Variants in CNOT10 observed in about 807,000 individuals in gnomAD.
CNOT10 encodes the protein CCR4-NOT transcription complex subunit 10, also known as CCR4-NOT transcription complex, subunit 10.
A neutral mutation model predicts 94.6 loss-of-function variants in CNOT10; 30 were observed. That is an observed-to-expected ratio of 0.32 (90% CI 0.24 to 0.43). CNOT10 has a LOEUF of 0.43. CNOT10 is among the 20% of genes least tolerant of loss of function. The probability of loss-of-function intolerance (pLI) is 1.00; values close to 1 mark genes in which losing one functional copy is unlikely to be tolerated. For synonymous variants in CNOT10, 289 were observed against 301.6 expected, an observed-to-expected ratio of 0.96 and a Z score of 0.43; for missense variants, 759 against 877.2, an observed-to-expected ratio of 0.87 and a Z score of 1.70.
chr3:32,725,180 A>T (rs1384247584), intron 8 of CNOT10, among the ~76,000 whole-genome samples: 2 of 152,170 alleles, frequency 1.3e-5, no homozygotes, highest in Admixed American at 1.3e-4. Flanking sequence ...AAATTGTTTT[A>T]AAAAAGGAAA....
At chr3:32,761,757 G>T in intron 14 of CNOT10, among the ~76,000 whole-genome samples, 1 of 148,804 alleles carries the variant, frequency 6.7e-6, no homozygotes, top group African/African-American at 2.5e-5. Context: ...TTTTGAAACG[G>T]AGTTTCACAG....
At chr3:32,720,822 GCCCTCCCT>G (rs199639916) in intron 8 of CNOT10, among the ~76,000 whole-genome samples, 2 of 136,434 alleles carry the variant, frequency 1.5e-5, no homozygotes, top group African/African-American at 2.9e-5. Context: ...TGACTTGCCT[GCCCTCCCT>G]CCCTCCCTTC....
chr3:32,731,369 G>T (rs1244659540), intron 10 of CNOT10, among the ~76,000 whole-genome samples: 1 of 152,178 alleles, frequency 6.6e-6, no homozygotes, highest in South Asian at 2.1e-4. Context: ...GATTAGTTTT[G>T]CAAATTCATA....
intron 4 of CNOT10, among the ~76,000 whole-genome samples, chr3:32,709,254 T>C (rs1409984731): frequency 2.0e-5 from 3 of 152,160 alleles, no homozygotes; most frequent in African/African-American, 7.2e-5. Flanking sequence ...AGTTTTTTGC[T>C]ATCTTAATTA....
intron 17 of CNOT10, among the ~76,000 whole-genome samples, chr3:32,767,833 A>G (rs1700717261): frequency 6.6e-6 from 1 of 152,136 alleles, no homozygotes; most frequent in African/African-American, 2.4e-5. Context: ...GTGCCCCCAG[A>G]CCTCAGTCAC....
intron 3 of CNOT10, among the ~76,000 whole-genome samples, chr3:32,707,023 C>G (rs1697654152): frequency 6.6e-6 from 1 of 152,178 alleles, no homozygotes; most frequent in Non-Finnish European, 1.5e-5. Context: ...TTAGTCAAAC[C>G]AAGGCTGTTA....
At chr3:32,732,160 G>A (rs1698987719) in intron 10 of CNOT10, among the ~76,000 whole-genome samples, 1 of 152,066 alleles carries the variant, frequency 6.6e-6, no homozygotes, top group African/African-American at 2.4e-5. Flanking sequence ...GGAGGCCGAG[G>A]CGGGCGGATC....
intron 8 of CNOT10, among the ~76,000 whole-genome samples, chr3:32,724,486 T>C (rs1193323383): frequency 3.5e-5 from 5 of 141,110 alleles, no homozygotes; most frequent in Admixed American, 7.0e-5. Context: ...GATCTCGGCT[T>C]ACTGCAAGCT....
chr3:32,769,574 C>G (rs1427562421), intron 17 of CNOT10: 3 of 258,456 alleles, frequency 1.2e-5, no homozygotes, highest in African/African-American at 2.1e-5. Context: ...AACAAATGGG[C>G]ATGCAGATTT....
intron 4 of CNOT10, among the ~76,000 whole-genome samples, chr3:32,709,159 G>T (rs781244954): frequency 1.3e-5 from 2 of 152,164 alleles, no homozygotes; most frequent in African/African-American, 2.4e-5. Context: ...GGAATGTTAG[G>T]GGACAGTGAG....
In CNOT10 at chr3:32,734,988, C is replaced by T. The variant is rs756445862; in HGVS notation, c.1514+12C>T. ...AGTGAAACTTGCAGGTATTCTAATC[C>T]TTGTGACCTCCTTTGGCAAAATCCT... On this transcript the variant is annotated intron_variant, in intron 12 of 18. Transcript: ENST00000328834. The T allele has an allele frequency of 1.3e-6, 2 of 1,597,436 alleles. No individual in the cohort carries two copies. Among genetic ancestry groups the T allele is most frequent in the South Asian group, 1.1e-5 (1 of 89,072 alleles).
rs138098951 is a variant in CNOT10, at chr3:32,736,676, G to A, written c.1515-734G>A. 5.1e-3 allele frequency among the ~76,000 whole-genome samples: 783 copies of A among 152,202 alleles called. 5 individuals are homozygous for A. The highest frequency in any genetic ancestry group is 0.018 in the African/African-American group (731 of 41,522). On this transcript the variant is annotated intron_variant, in intron 12 of 18. Coordinates refer to ENST00000328834, the MANE Select transcript of CNOT10 (RefSeq NM_015442.3). ...ATTAGTACCAGCTACTTGGGAGGCTGGTGTAGGAGGATCGCCTGAGCCCAG... is the reference window on the plus strand; with the variant it reads ...ATTAGTACCAGCTACTTGGGAGGCTAGTGTAGGAGGATCGCCTGAGCCCAG...
chr3:32,722,462 G>C (rs932239756), intron 8 of CNOT10, among the ~76,000 whole-genome samples: 3 of 152,188 alleles, frequency 2.0e-5, no homozygotes, highest in African/African-American at 7.2e-5. Context: ...AATATACTTT[G>C]AGAAAATTTT....
At chr3:32,715,823 A>C (rs1698093090) in intron 5 of CNOT10, among the ~76,000 whole-genome samples, 1 of 152,066 alleles carries the variant, frequency 6.6e-6, no homozygotes, top group African/African-American at 2.4e-5. Flanking sequence ...TTTTTTAAAG[A>C]CAGGGTCTTG....
chr3:32,709,657 G>C (rs1281598994), intron 4 of CNOT10, among the ~76,000 whole-genome samples: 1 of 152,090 alleles, frequency 6.6e-6, no homozygotes, highest in Non-Finnish European at 1.5e-5. Context: ...CCTCAATCCT[G>C]AGAGCTTGGT....
Position 32,708,652 on chromosome 3 carries a change from C to G in CNOT10, c.280-18C>G, listed in dbSNP as rs761767811. ...TTTCCTTAATGTTAAAATATAACCT[C>G]TGTTGATTGCTTTATAGGTCCACTC... On this transcript the variant is annotated intron_variant, in intron 3 of 18. Coordinates refer to ENST00000328834, the MANE Select transcript of CNOT10 (RefSeq NM_015442.3). The G allele has an allele frequency of 1.9e-6, 3 of 1,593,746 alleles. No individual in the cohort carries two copies. Among genetic ancestry groups the G allele is most frequent in the Admixed American group, 3.7e-5 (2 of 53,732 alleles).
At chr3:32,716,161 TCA>T in intron 5 of CNOT10, 62 bp from the exon 6 acceptor site, 4 of 854,134 alleles carry the variant, frequency 4.7e-6, no homozygotes, top group East Asian at 2.8e-5. Context: ...CACTTGGAAA[TCA>T]CTGATTTAAA....
intron 10 of CNOT10, among the ~76,000 whole-genome samples, chr3:32,730,184 G>A (rs1278470303): frequency 6.6e-6 from 1 of 152,118 alleles, no homozygotes; most frequent in African/African-American, 2.4e-5. Context: ...AAACCAGGGA[G>A]TTACCTTTTT....
In CNOT10 at chr3:32,727,651, C is replaced by T; in HGVS notation, c.1013-17C>T. 1 of 1,498,194 alleles carries T rather than the reference C, an allele frequency of 6.7e-7. No individual in the cohort carries two copies. The highest frequency in any genetic ancestry group is 1.1e-5 in the South Asian group (1 of 88,428). The allele number at this position is 1,498,194 out of a possible 1,614,324, so 92.8% of individuals were successfully genotyped here. ...TGTAAATCTAATGATGTATTCTTAT[C>T]TAATTTTTATCACTAGGTAAAAAAT... On this transcript the variant is annotated splice_polypyrimidine_tract_variant and intron_variant, in intron 9 of 18. Transcript: ENST00000328834.
Sources: gnomAD v4.1 joint callset for allele counts (sites outside exome capture counted in the v4.1 genomes callset) on GRCh38, gnomAD v4.1.1 for gene constraint, MANE v1.5 for transcripts, NCBI Gene and HGNC (gene_info 2026-07-23, HGNC 2026-07-21) for gene names.